Variants in OR6Y1 observed in about 807,000 individuals in gnomAD.
OR6Y1 encodes olfactory receptor 6Y1.
Under a neutral mutation model 0.4 loss-of-function variants are expected in OR6Y1, and 1 was observed. That is an observed-to-expected ratio of 2.74 (90% confidence interval 0.97 to 13.02). The LOEUF (loss-of-function observed/expected upper bound fraction) is 13.02, where lower values mean the gene tolerates loss of function less well. Among genes scored for constraint, OR6Y1 ranks in the 30% most tolerant of loss-of-function variants. The probability of loss-of-function intolerance (pLI) is 0.12; values close to 1 mark genes in which losing one functional copy is unlikely to be tolerated. For missense variants in OR6Y1, 480 were observed against 399.8 expected, an observed-to-expected ratio of 1.20 and a Z score of -1.71; for synonymous variants, 173 against 141.1, an observed-to-expected ratio of 1.23 and a Z score of -1.60.
chr1:158,545,824 T>G lies in OR6Y1; in HGVS notation c.*1304A>C, dbSNP rs1647513670. The G allele has an allele frequency of 6.6e-6, 1 of 152,224 alleles. No homozygotes were observed. Among genetic ancestry groups the G allele is most frequent in the Admixed American group, 6.5e-5 (1 of 15,280 alleles). The allele number at this position is 152,224 out of a possible 1,614,324, so 9.4% of individuals were successfully genotyped here. A position where few individuals can be genotyped will look rare whatever the true frequency, so the allele number is the denominator to read the frequency against. ...ACATCCCATTTGTCAATTTTTGTTTTTTAATATCTTTTTAAAAATTGCTGA... is the reference window on the plus strand; with the variant it reads ...ACATCCCATTTGTCAATTTTTGTTTGTTAATATCTTTTTAAAAATTGCTGA... On this transcript the variant is annotated 3_prime_UTR_variant, in exon 2 of 2. Transcript: ENST00000641622.
Position 158,548,745 on chromosome 1 carries a change from TA to T in OR6Y1, c.-641del, listed in dbSNP as rs1287374420. 1.3e-5 allele frequency: 2 copies of T among 151,954 alleles called. No individual in the cohort carries two copies. Among genetic ancestry groups the T allele is most frequent in the African/African-American group, 2.4e-5 (1 of 41,150 alleles). 9.4% of individuals were successfully genotyped at this position (151,954 alleles called of 1,614,324 possible). A position where few individuals can be genotyped will look rare whatever the true frequency, so the allele number is the denominator to read the frequency against. On this transcript the variant is annotated 5_prime_UTR_variant, in exon 2 of 2. It introduces an in-frame stop codon into an upstream open reading frame of the 5' UTR. Transcript: ENST00000641622. ...AGTTTCTTCAATACAATCCATTGTA[TA>T]AAGTGCTTGCTTAGGAGTTTGACAA...
chr1:158,552,479 G>A (rs1348650053), intron 1 of OR6Y1, among the ~76,000 whole-genome samples: 1 of 152,026 alleles, frequency 6.6e-6, no homozygotes, highest in Non-Finnish European at 1.5e-5. Flanking sequence ...TGATTTCCCA[G>A]GGAGGGTGGA....
chr1:158,551,272 T>C (rs1035926208), intron 1 of OR6Y1, among the ~76,000 whole-genome samples: 2 of 151,770 alleles, frequency 1.3e-5, no homozygotes, highest in African/African-American at 2.4e-5. Flanking sequence ...CTCAAACATA[T>C]TACCTAGCAG....
chr1:158,554,347 T>C lies in OR6Y1; in HGVS notation c.-1514A>G, dbSNP rs1000580024. On this transcript the variant is annotated 5_prime_UTR_variant, in exon 1 of 2. The change abolishes an upstream ATG in the 5' untranslated region. Transcript: ENST00000641622. ...TGCGCTGAGAAAAGAGAAGAAATCA[T>C]GTAGACCAAGAGAAGAACAATGTAC... 6 of 152,234 alleles carry C rather than the reference T, an allele frequency of 3.9e-5. No homozygotes were observed. The highest frequency in any genetic ancestry group is 7.3e-5 in the Non-Finnish European group (5 of 68,038). 9.4% of individuals were successfully genotyped at this position (152,234 alleles called of 1,614,324 possible). A position where few individuals can be genotyped will look rare whatever the true frequency, so the allele number is the denominator to read the frequency against.
In OR6Y1 at chr1:158,547,995, C is replaced by A; in HGVS notation, c.111G>T (p.Leu37=). 1 of 1,613,398 alleles carries A rather than the reference C, an allele frequency of 6.2e-7. No homozygotes were observed. The highest frequency in any genetic ancestry group is 1.1e-5 in the South Asian group (1 of 91,074). ...AFQLLFFSIF[L]ATYLLTLLEN... ...CCAGCAGTGTCAGCAGATAGGTTGC[C>A]AGGAAAATGGAGAAAAAGAGAAGCT... Residue 37 remains leucine, a synonymous_variant, in exon 2 of 2, where the codon CTG becomes CTT. Transcript: ENST00000641622.
chr1:158,546,563 A>G lies in OR6Y1; in HGVS notation c.*565T>C, dbSNP rs900001404. 7.9e-5 allele frequency: 12 copies of G among 152,236 alleles called. No homozygotes were observed. Among genetic ancestry groups the G allele is most frequent in the South Asian group, 2.1e-4 (1 of 4,824 alleles). The allele number at this position is 152,236 out of a possible 1,614,324, so 9.4% of individuals were successfully genotyped here. On this transcript the variant is annotated 3_prime_UTR_variant, in exon 2 of 2. Transcript: ENST00000641622. ...GGAGGGAAGTGGGTGGGGACTCCCT[A>G]TGTTGACCAGGCTGGGCCCAAGTTC...
rs1647553390 is a variant in OR6Y1 at position 158,546,964 on chromosome 1, T to A, written c.*164A>T. The A allele has an allele frequency of 1.6e-6, 1 of 609,320 alleles. No homozygotes were observed. The allele number at this position is 609,320 out of a possible 1,614,324, so 37.7% of individuals were successfully genotyped here. A position where few individuals can be genotyped will look rare whatever the true frequency, so the allele number is the denominator to read the frequency against. On this transcript the variant is annotated 3_prime_UTR_variant, in exon 2 of 2. Transcript: ENST00000641622. ...AGAGGTTACTTCTTGAGAACATGTT[T>A]CTCCAGTCATGATTGTGTATACACA...
At chr1:158,549,979 T>G (rs1225550108) in intron 1 of OR6Y1, among the ~76,000 whole-genome samples, 1 of 151,850 alleles carries the variant, frequency 6.6e-6, no homozygotes, top group Non-Finnish European at 1.5e-5. Flanking sequence ...TTGAGGGTAG[T>G]ATTACTGTTT....
Position 158,547,541 on chromosome 1 carries a change from G to A in OR6Y1, c.565C>T (p.Leu189Phe), listed in dbSNP as rs751558670. The A allele has an allele frequency of 5.6e-6, 9 of 1,613,296 alleles. No homozygotes were observed. The Admixed American group carries it at 6.7e-5, about 12-fold the overall frequency. ...GCATCCTCACAGGAGACGTTAAGGA[G>A]TGGAGAGATATCACAAAAGTAGTGA... ...INHYFCDISP[L>F]LNVSCEDASQ... Residue 189 changes from leucine to phenylalanine, a missense_variant, in exon 2 of 2, where the codon CTC becomes TTC. Physicochemically the swap from Leu to Phe is conservative, Grantham distance 22. Transcript: ENST00000641622.
Position 158,548,146 on chromosome 1 carries a change from C to A in OR6Y1, c.-41G>T. On this transcript the variant is annotated 5_prime_UTR_variant, in exon 2 of 2. Transcript: ENST00000641622. Reference sequence around the variant, plus strand: ...CAGACAAAGTCAGTTCCTTCCATGACACAAGCACTAGTCTATGGTTATTTG... The same window carrying A: ...CAGACAAAGTCAGTTCCTTCCATGAAACAAGCACTAGTCTATGGTTATTTG... 6.3e-7 allele frequency: 1 copy of A among 1,580,084 alleles called. No homozygotes were observed. The highest frequency in any genetic ancestry group is 8.6e-7 in the Non-Finnish European group (1 of 1,165,620).
rs1647600412 is a variant in OR6Y1 at position 158,547,997 on chromosome 1, G to A, written c.109C>T (p.Leu37=). ...AFQLLFFSIF[L]ATYLLTLLEN... ...AGCAGTGTCAGCAGATAGGTTGCCAGGAAAATGGAGAAAAAGAGAAGCTGG... is the reference window on the plus strand; with the variant it reads ...AGCAGTGTCAGCAGATAGGTTGCCAAGAAAATGGAGAAAAAGAGAAGCTGG... Residue 37 remains leucine, a synonymous_variant, in exon 2 of 2, where the codon CTG becomes TTG. Transcript: ENST00000641622. 1.2e-6 allele frequency: 2 copies of A among 1,613,530 alleles called. No homozygotes were observed. The highest frequency in any genetic ancestry group is 1.3e-5 in the African/African-American group (1 of 74,554).
chr1:158,546,549 G>T lies in OR6Y1; in HGVS notation c.*579C>A, dbSNP rs185219547. 6.6e-6 allele frequency: 1 copy of T among 152,184 alleles called. No homozygotes were observed. Among genetic ancestry groups the T allele is most frequent in the Non-Finnish European group, 1.5e-5 (1 of 68,042 alleles). The allele number at this position is 152,184 out of a possible 1,614,324, so 9.4% of individuals were successfully genotyped here. ...CATTTATGTTATTTGGAGGGAAGTGGGTGGGGACTCCCTATGTTGACCAGG... is the reference window on the plus strand; with the variant it reads ...CATTTATGTTATTTGGAGGGAAGTGTGTGGGGACTCCCTATGTTGACCAGG... On this transcript the variant is annotated 3_prime_UTR_variant, in exon 2 of 2. Transcript: ENST00000641622.
Position 158,544,872 on chromosome 1 carries a change from T to TA in OR6Y1, c.*2255_*2256insT, listed in dbSNP as rs1384112486. The TA allele has an allele frequency of 2.0e-5, 3 of 152,198 alleles. No homozygotes were observed. The highest frequency in any genetic ancestry group is 7.2e-5 in the African/African-American group (3 of 41,446). 9.4% of individuals were successfully genotyped at this position (152,198 alleles called of 1,614,324 possible). On this transcript the variant is annotated 3_prime_UTR_variant, in exon 2 of 2. Coordinates refer to ENST00000641622, the MANE Select transcript of OR6Y1 (RefSeq NM_001005189.2). ...TCCCGGAAAGGACATGATCTAATTTTTTTTTATGGCTGCATAGTATTTCAT... is the reference window on the plus strand; with the variant it reads ...TCCCGGAAAGGACATGATCTAATTTTATTTTTATGGCTGCATAGTATTTCAT...
rs80194563 is a variant in OR6Y1 at position 158,545,106 on chromosome 1, C to A, written c.*2022G>T. On this transcript the variant is annotated 3_prime_UTR_variant, in exon 2 of 2. Coordinates refer to ENST00000641622, the MANE Select transcript of OR6Y1 (RefSeq NM_001005189.2). Reference sequence around the variant, plus strand: ...TTCTGTTTTTAAGTCTTTGAGGAATCGTTACACTGTCTTTTACATAGATTG... The same window carrying A: ...TTCTGTTTTTAAGTCTTTGAGGAATAGTTACACTGTCTTTTACATAGATTG... The A allele has an allele frequency of 6.6e-6, 1 of 151,958 alleles. No individual in the cohort carries two copies. Among genetic ancestry groups the A allele is most frequent in the Non-Finnish European group, 1.5e-5 (1 of 68,006 alleles). 9.4% of individuals were successfully genotyped at this position (151,958 alleles called of 1,614,324 possible). A position where few individuals can be genotyped will look rare whatever the true frequency, so the allele number is the denominator to read the frequency against.
rs1647612605 is a variant in OR6Y1 at position 158,548,404 on chromosome 1, A to C, written c.-299T>G. ...CAGTTCTGTGCTTTACCAATATATCACTTTTGGGCACATAAATGGTCTCCA... is the reference window on the plus strand; with the variant it reads ...CAGTTCTGTGCTTTACCAATATATCCCTTTTGGGCACATAAATGGTCTCCA... On this transcript the variant is annotated 5_prime_UTR_variant, in exon 2 of 2. Transcript: ENST00000641622. 1 of 245,688 alleles carries C rather than the reference A, an allele frequency of 4.1e-6. No homozygotes were observed. The highest frequency in any genetic ancestry group is 7.5e-5 in the South Asian group (1 of 13,386). The allele number at this position is 245,688 out of a possible 1,614,324, so 15.2% of individuals were successfully genotyped here.
rs1647623570 is a variant in OR6Y1 at position 158,548,725 on chromosome 1, C to T, written c.-620G>A. On this transcript the variant is annotated 5_prime_UTR_variant, in exon 2 of 2. Coordinates refer to ENST00000641622, the MANE Select transcript of OR6Y1 (RefSeq NM_001005189.2). ...TGGATAACATGAAGGGTAATAGTTT[C>T]TTCAATACAATCCATTGTATAAAGT... 1 of 151,992 alleles carries T rather than the reference C, an allele frequency of 6.6e-6. No homozygotes were observed. Among genetic ancestry groups the T allele is most frequent in the Non-Finnish European group, 1.5e-5 (1 of 68,220 alleles). 9.4% of individuals were successfully genotyped at this position (151,992 alleles called of 1,614,324 possible). A position where few individuals can be genotyped will look rare whatever the true frequency, so the allele number is the denominator to read the frequency against.
intron 1 of OR6Y1, 143 bp downstream of exon 1, chr1:158,554,123 C>G (rs1006693946): frequency 6.6e-6 from 1 of 152,136 alleles, no homozygotes; most frequent in African/African-American, 2.4e-5. Flanking sequence ...CTTTAAAAAT[C>G]AATAAAATAA....
chr1:158,547,937 C>A lies in OR6Y1; in HGVS notation c.169G>T (p.Asp57Tyr), dbSNP rs764202884. ...TACATGGGCTTATGCAGCTGCCCAT[C>A]ACTGTGGATAGCTAAGATGATAAGA... The part of the protein sequence containing the change: ...NLLIILAIHS[D>Y]GQLHKPMYFF... The change falls in exon 2 of 2, where the codon GAT (aspartate) becomes TAT (tyrosine). Residue 57 changes from aspartate (D) to tyrosine (Y), a missense_variant. Asp to Tyr is a radical substitution (Grantham distance 160). Coordinates refer to ENST00000641622, the MANE Select transcript of OR6Y1 (RefSeq NM_001005189.2). 2 of 1,613,356 alleles carry A rather than the reference C, an allele frequency of 1.2e-6. No individual in the cohort carries two copies. Among genetic ancestry groups the A allele is most frequent in the East Asian group, 4.5e-5 (2 of 44,868 alleles).
chr1:158,547,313 C>T lies in OR6Y1; in HGVS notation c.793G>A (p.Ala265Thr), dbSNP rs983097781. Reference protein sequence around the residue: ...LFYSMTLFTYARPKLMYAYNS... With the variant: ...LFYSMTLFTYTRPKLMYAYNS... ...TAGGCATACATGAGTTTGGGACGGG[C>T]ATAGGTGAAAAGTGTCATGGAATAG... Residue 265 changes from alanine (A) to threonine (T), a missense_variant, in exon 2 of 2, where the codon GCC (alanine) becomes ACC (threonine). Ala to Thr is a moderately conservative substitution (Grantham distance 58, BLOSUM62 0). Coordinates refer to ENST00000641622, the MANE Select transcript of OR6Y1 (RefSeq NM_001005189.2). 11 of 1,613,430 alleles carry T rather than the reference C, an allele frequency of 6.8e-6. No homozygotes were observed. Among genetic ancestry groups the T allele is most frequent in the Non-Finnish European group, 9.3e-6 (11 of 1,179,946 alleles).
Sources: gnomAD v4.1 joint callset for allele counts (sites outside exome capture counted in the v4.1 genomes callset) on GRCh38, gnomAD v4.1.1 for gene constraint, MANE v1.5 for transcripts, NCBI Gene and HGNC (gene_info 2026-07-23, HGNC 2026-07-21) for gene names.